Variants in SERPINF1 observed in about 807,000 individuals in gnomAD.
SERPINF1 encodes pigment epithelium-derived factor.
SERPINF1 carries 29 observed loss-of-function variants against 37.3 expected under a neutral mutation model. The ratio of observed to expected loss-of-function variants is 0.78; its 90% CI spans 0.58 to 1.06. SERPINF1 has a LOEUF of 1.06. Among genes scored for constraint, SERPINF1 ranks in the 50% least tolerant of loss-of-function variants. The pLI is 0.00. For synonymous variants in SERPINF1, 281 were observed against 227.9 expected (o/e 1.23, Z -2.10); for missense variants, 553 against 532.2 (o/e 1.04, Z -0.38).
Position 1,775,169 on chromosome 17 carries a change from G to A in SERPINF1, c.755G>A (p.Arg252His), listed in dbSNP as rs779920785. Residue 252 changes from arginine (R) to histidine (H), a missense_variant, in exon 6 of 8, where the codon CGC becomes CAC. Coordinates refer to ENST00000254722, the MANE Select transcript of SERPINF1 (RefSeq NM_002615.7). ...ATGTCGGACCCTAAGGCTGTTTTAC[G>A]CTATGGCTTGGATTCAGATCTCAGC... ...PMMSDPKAVL[R>H]YGLDSDLSCK... The A allele has an allele frequency of 5.0e-6, 8 of 1,612,752 alleles. No individual in the cohort carries two copies. The highest frequency in any genetic ancestry group is 2.2e-5 in the East Asian group (1 of 44,878).
At chr17:1,764,528 C>T (rs1027501489) in intron 1 of SERPINF1, among the ~76,000 whole-genome samples, 5 of 152,246 alleles carry the variant, frequency 3.3e-5, no homozygotes, top group Admixed American at 1.3e-4. Flanking sequence ...CAGAGGTCTG[C>T]GGCTCGAGGC....
intron 2 of SERPINF1, among the ~76,000 whole-genome samples, chr17:1,769,414 A>AT (rs1406572777): frequency 2.2e-4 from 33 of 151,674 alleles, no homozygotes; most frequent in African/African-American, 7.5e-4. Context: ...GTCTCAAAAA[A>AT]AAAAAAAAAA....
At position 1,771,153 on chromosome 17, in the gene SERPINF1, CAA is replaced by C. The variant is rs775000491; in HGVS notation, c.409_410del (p.Lys137GlufsTer8). Reference sequence around the variant, plus strand: ...CGGTCACTGCCCCCCAGAAGAACCTCAAGAGTGCCTCCCGGATCGTCTTTGAG... The same window carrying C: ...CGGTCACTGCCCCCCAGAAGAACCTCGAGTGCCTCCCGGATCGTCTTTGAG... ...DTVTAPQKNL[K>X]SASRIVFEKK... is the part of the protein sequence containing the mutation. On this transcript the variant is annotated frameshift_variant, in exon 4 of 8. Coordinates refer to ENST00000254722, the MANE Select transcript of SERPINF1 (RefSeq NM_002615.7). LOFTEE classifies it high-confidence loss of function. 8.7e-6 allele frequency: 14 copies of C among 1,613,886 alleles called. No individual in the cohort carries two copies. Among genetic ancestry groups the C allele is most frequent in the Non-Finnish European group, 1.1e-5 (13 of 1,179,974 alleles).
rs781752418 is a variant in SERPINF1 at position 1,769,999 on chromosome 17, G to A, written c.232G>A (p.Val78Met). ...ATCCAGCACGAGCCCCACGACCAAC[G>A]TGCTCCTGTCTCCTCTCAGTGTGGC... is the stretch of plus-strand genomic sequence containing the variant. ...VRSSTSPTTNVLLSPLSVATA... is the reference protein window; with the variant it reads ...VRSSTSPTTNMLLSPLSVATA... The change falls in exon 3 of 8, where the codon GTG (valine) becomes ATG (methionine). Residue 78 changes from valine (V) to methionine (M), a missense_variant. Val to Met is a conservative substitution (Grantham distance 21). Transcript: ENST00000254722. 15 of 1,614,042 alleles carry A rather than the reference G, an allele frequency of 9.3e-6. 1 individual carries two copies. Among genetic ancestry groups the A allele is most frequent in the East Asian group, 2.2e-5 (1 of 44,890 alleles).
Position 1,766,637 on chromosome 17 carries a change from A to G in SERPINF1, c.-8-266A>G, listed in dbSNP as rs925446728. On this transcript the variant is annotated intron_variant, in intron 1 of 7. Transcript: ENST00000254722. ...TAAAGGAGGGTCCCCTGACGCAGAC[A>G]GTGGAACAAAAGCACAAGCTTATGG... The G allele has an allele frequency of 2.6e-5, 10 of 378,088 alleles. 1 individual carries two copies. The highest frequency in any genetic ancestry group is 8.3e-5 in the African/African-American group (4 of 48,122). The allele number at this position is 378,088 out of a possible 1,614,324, so 23.4% of individuals were successfully genotyped here.
At chr17:1,771,264 T>C (rs1907718818) in intron 4 of SERPINF1, 80 bp downstream of exon 4, 1 of 1,391,152 alleles carries the variant, frequency 7.2e-7, no homozygotes, top group Non-Finnish European at 9.7e-7. Flanking sequence ...TTTTTTTTTT[T>C]TTGAGACGGA....
Position 1,769,896 on chromosome 17 carries a change from G to GGAT in SERPINF1, c.130_132dup (p.Asp44dup), listed in dbSNP as rs757849501. 3.7e-6 allele frequency: 6 copies of GGAT among 1,614,186 alleles called. No homozygotes were observed. The highest frequency in any genetic ancestry group is 5.1e-6 in the Non-Finnish European group (6 of 1,180,032). ...GCACAGGGGCGCTGGTGGAGGAGGA[G>GGAT]GATCCTTTCTTCAAAGTCCCCGTGA... On this transcript the variant is annotated inframe_insertion, in exon 3 of 8. Coordinates refer to ENST00000254722, the MANE Select transcript of SERPINF1 (RefSeq NM_002615.7).
intron 7 of SERPINF1, 66 bp from the exon 8 acceptor site, chr17:1,777,121 G>C: frequency 1.9e-6 from 3 of 1,612,810 alleles, no homozygotes; most frequent in South Asian, 2.2e-5. Context: ...TGCTTGCAAA[G>C]GGATCCCTTG....
chr17:1,763,577 G>A (rs1420159586), intron 1 of SERPINF1, among the ~76,000 whole-genome samples: 6 of 152,332 alleles, frequency 3.9e-5, no homozygotes, highest in African/African-American at 1.2e-4. Context: ...GCTGAGGGGC[G>A]TCCATGCAGA....
intron 2 of SERPINF1, 138 bp from the exon 3 acceptor site, chr17:1,769,714 A>C: frequency 1.1e-6 from 1 of 899,292 alleles, no homozygotes; most frequent in Non-Finnish European, 1.8e-6. Context: ...TTCCCGTTTT[A>C]GGCCAAACAC....
In SERPINF1 at chr17:1,774,763, C is replaced by A. The variant is rs192660755; in HGVS notation, c.644-295C>A. On this transcript the variant is annotated intron_variant, in intron 5 of 7. Transcript: ENST00000254722. ...AGGTGTGAGTTACCATGCCCGGCTA[C>A]CACTTTACTTTTCCTGCAGGCTATC... Among the ~76,000 whole-genome samples the A allele has an allele frequency of 3.9e-5, 6 of 152,308 alleles. No homozygotes were observed. The East Asian group carries it at 1.2e-3, about 29-fold the overall frequency.
intron 5 of SERPINF1, among the ~76,000 whole-genome samples, chr17:1,774,226 G>A (rs1292828604): frequency 6.6e-6 from 1 of 152,088 alleles, no homozygotes; most frequent in African/African-American, 2.4e-5. Flanking sequence ...ATGGAGTTTC[G>A]CTCTTTTTGC....
At chr17:1,764,736 T>G (rs7209701) in intron 1 of SERPINF1, among the ~76,000 whole-genome samples, 1 of 152,192 alleles carries the variant, frequency 6.6e-6, no homozygotes, top group Admixed American at 6.6e-5. Context: ...TCAAAAAGTG[T>G]GTGTGCTGTG....
chr17:1,768,005 C>G (rs1214433780), intron 2 of SERPINF1, among the ~76,000 whole-genome samples: 2 of 151,758 alleles, frequency 1.3e-5, no homozygotes, highest in African/African-American at 2.4e-5. Flanking sequence ...GAGTTTGAGA[C>G]CAGCATAGGC....
chr17:1,769,790 CAGTCCCTGTGCATCTCTGCG>C, intron 2 of SERPINF1, 42 bp from the exon 3 acceptor site: 1 of 1,564,002 alleles, frequency 6.4e-7, no homozygotes, highest in South Asian at 1.1e-5. Context: ...CGTGAGGAGA[CAGTCCCTGTGCATCTCTGCG>C]AGTCCCTGAA....
chr17:1,775,983 T>C lies in SERPINF1; in HGVS notation c.787-549T>C, dbSNP rs1274132846. Among the ~76,000 whole-genome samples the C allele has an allele frequency of 2.0e-5, 3 of 152,186 alleles. No individual in the cohort carries two copies. In the East Asian group the frequency reaches 5.8e-4, roughly 29 times the overall value. On this transcript the variant is annotated intron_variant, in intron 6 of 7. Coordinates refer to ENST00000254722, the MANE Select transcript of SERPINF1 (RefSeq NM_002615.7). ...AAACCCGAGGGAGCACCGCCAGGTG[T>C]GCACACACGTTTCTGTCAACGATTT...
In SERPINF1 at chr17:1,769,832, G is replaced by A; in HGVS notation, c.85-20G>A. 1.9e-6 allele frequency: 3 copies of A among 1,614,076 alleles called. No homozygotes were observed. Among genetic ancestry groups the A allele is most frequent in the Non-Finnish European group, 2.5e-6 (3 of 1,179,940 alleles). The stretch of plus-strand genomic sequence containing the variant: ...TGCGAGTCCCTGAACTCAAACCCAA[G>A]ACTTCCTGTCTCCTGCCAGGGCTCC... On this transcript the variant is annotated intron_variant, in intron 2 of 7. Transcript: ENST00000254722.
intron 5 of SERPINF1, among the ~76,000 whole-genome samples, chr17:1,773,629 G>A (rs1236410344): frequency 5.3e-5 from 8 of 152,206 alleles, no homozygotes; most frequent in South Asian, 4.1e-4. Flanking sequence ...CTGGGCCTAC[G>A]TTCTCACCTT....
At chr17:1,776,154 T>A (rs1273999046) in intron 6 of SERPINF1, among the ~76,000 whole-genome samples, 1 of 152,078 alleles carries the variant, frequency 6.6e-6, no homozygotes, top group Non-Finnish European at 1.5e-5. Context: ...CTATCCCCGG[T>A]TCTCCCTGTC....
Sources: gnomAD v4.1 joint callset for allele counts (sites outside exome capture counted in the v4.1 genomes callset) on GRCh38, gnomAD v4.1.1 for gene constraint, MANE v1.5 for transcripts, NCBI Gene and HGNC (gene_info 2026-07-23, HGNC 2026-07-21) for gene names.